Variants in AFF2 observed in about 807,000 individuals in gnomAD.
The protein encoded by AFF2 is ALF transcription elongation factor 2, also known as AF4/FMR2 family member 2.
AFF2 carries 14 observed loss-of-function variants against 76.9 expected under a neutral mutation model. The observed-to-expected ratio is 0.18, with a 90% CI of 0.12 to 0.28. AFF2 has a LOEUF of 0.28. Ranked by LOEUF, AFF2 falls within the 10% of genes least tolerant of loss-of-function variation. AFF2 has a pLI of 1.00. For missense variants in AFF2, 868 were observed against 1,001.1 expected, an observed-to-expected ratio of 0.87 and a Z score of 1.79; for synonymous variants, 398 against 366.7, an observed-to-expected ratio of 1.09 and a Z score of -0.98.
chrX:148,511,158 G>T (rs186565035), intron 1 of AFF2, among the ~76,000 whole-genome samples: 93 of 111,485 alleles, frequency 8.3e-4, no homozygotes, highest in African/African-American at 2.9e-3. Flanking sequence ...ACAGCATTTT[G>T]AGATTTTAGA....
Position 148,953,755 on chromosome X carries a change from A to G in AFF2, c.1557+16A>G. The G allele has an allele frequency of 1.7e-6, 2 of 1,190,015 alleles. No individual in the cohort carries two copies. Among genetic ancestry groups the G allele is most frequent in the Non-Finnish European group, 2.3e-6 (2 of 881,238 alleles). On this transcript the variant is annotated intron_variant, in intron 10 of 20. Coordinates refer to ENST00000370460, the MANE Select transcript of AFF2 (RefSeq NM_002025.4). ...AACTCCAGAGGTGAGTGAAGGTGCC[A>G]GGGCCCTAACCATGATCTGCCTGTC...
intron 3 of AFF2, among the ~76,000 whole-genome samples, chrX:148,716,941 G>A (rs782432552): frequency 6.3e-5 from 7 of 111,555 alleles, no homozygotes; most frequent in Non-Finnish European, 1.1e-4. Context: ...AGCACAATAA[G>A]GAAAGTATAG....
rs782499082 is a variant in AFF2, at chrX:148,581,657, C to G, written c.48-70342C>G. On this transcript the variant is annotated intron_variant, in intron 1 of 20. Coordinates refer to ENST00000370460, the MANE Select transcript of AFF2 (RefSeq NM_002025.4). ...ACGTGTACACACATATATACATATA[C>G]GTATACGTGTACACACATATATACG... Among the ~76,000 whole-genome samples the G allele has an allele frequency of 3.4e-3, 373 of 110,089 alleles. 17 individuals are homozygous for G. Among genetic ancestry groups the G allele is most frequent in the African/African-American group, 0.012 (359 of 29,304 alleles).
At chrX:148,562,145 T>C (rs1419375525) in intron 1 of AFF2, among the ~76,000 whole-genome samples, 1 of 112,510 alleles carries the variant, frequency 8.9e-6, no homozygotes, top group Non-Finnish European at 1.9e-5. Flanking sequence ...TGCCAGCAAA[T>C]GACAGCTTTG....
At position 148,662,249 on chromosome X, in the gene AFF2, C is replaced by T; in HGVS notation, c.522C>T (p.Ala174=). The change falls in exon 3 of 21, where the codon GCC becomes GCT. Residue 174 remains alanine, a synonymous_variant. Transcript: ENST00000370460. ...HNPSTVLASQ[A]SGQPNKMQTL... is the part of the protein sequence containing the mutation. ...CTAGCACTGTACTGGCAAGCCAGGC[C>T]AGTGGTCAGCCAAACAAGATGCAGA... is the stretch of plus-strand genomic sequence containing the variant. The T allele has an allele frequency of 8.3e-7, 1 of 1,211,531 alleles. No individual in the cohort carries two copies. Among genetic ancestry groups the T allele is most frequent in the South Asian group, 1.8e-5 (1 of 56,966 alleles).
intron 7 of AFF2, among the ~76,000 whole-genome samples, chrX:148,867,951 A>T (rs2070927678): frequency 8.9e-6 from 1 of 111,798 alleles, no homozygotes; most frequent in South Asian, 3.8e-4. Flanking sequence ...CCTCAAGGCC[A>T]TCTCTCATAG....
At chrX:148,513,695 A>G (rs1557233427) in intron 1 of AFF2, among the ~76,000 whole-genome samples, 1 of 111,835 alleles carries the variant, frequency 8.9e-6, no homozygotes, top group African/African-American at 3.3e-5. Flanking sequence ...CTTAAATTGA[A>G]CATAATCATA....
intron 1 of AFF2, among the ~76,000 whole-genome samples, chrX:148,648,561 C>CAAAAAAAAAAAAAAAAA (rs1241628949): frequency 8.7e-5 from 2 of 23,057 alleles, no homozygotes; most frequent in Admixed American, 5.9e-4. Flanking sequence ...AAAACTCCGT[C>CAAAAAAAAAAAAAAAAA]AAAAAAAAAA....
chrX:148,813,876 G>A (rs144643006), intron 4 of AFF2, among the ~76,000 whole-genome samples: 86 of 112,163 alleles, frequency 7.7e-4, no homozygotes, highest in African/African-American at 2.8e-3. Flanking sequence ...GAATTCACTG[G>A]CCTACAACAC....
intron 4 of AFF2, among the ~76,000 whole-genome samples, chrX:148,826,265 T>C (rs1380606158): frequency 9.4e-6 from 1 of 106,576 alleles, no homozygotes; most frequent in Admixed American, 1.0e-4. Context: ...AATGCACCCC[T>C]TCCTTATGGT....
chrX:148,686,214 C>T (rs1320903031), intron 3 of AFF2, among the ~76,000 whole-genome samples: 1 of 111,483 alleles, frequency 9.0e-6, no homozygotes, highest in East Asian at 2.8e-4. Context: ...CTGACAAATT[C>T]CTGATGATTT....
At chrX:148,635,889 T>G (rs2124436909) in intron 1 of AFF2, among the ~76,000 whole-genome samples, 1 of 110,652 alleles carries the variant, frequency 9.0e-6, no homozygotes, top group African/African-American at 3.3e-5. Flanking sequence ...CATAGGATTC[T>G]GTATCCTGGC....
chrX:148,692,038 A>C (rs1254714625), intron 3 of AFF2, among the ~76,000 whole-genome samples: 3 of 56,368 alleles, frequency 5.3e-5, no homozygotes, highest in Non-Finnish European at 9.5e-5. Context: ...TTAGGTTGCA[A>C]AAATGTTCTT....
At chrX:148,530,686 A>G (rs2052719915) in intron 1 of AFF2, among the ~76,000 whole-genome samples, 1 of 111,283 alleles carries the variant, frequency 9.0e-6, no homozygotes, top group South Asian at 3.8e-4. Context: ...AATATGTTTC[A>G]TTCTCGAATT....
chrX:148,751,924 GA>G (rs2055505842), intron 3 of AFF2, among the ~76,000 whole-genome samples: 1 of 112,036 alleles, frequency 8.9e-6, no homozygotes, highest in South Asian at 3.7e-4. Context: ...AGAAGTCCCA[GA>G]TCACAGTGCC....
intron 8 of AFF2, among the ~76,000 whole-genome samples, chrX:148,897,249 A>G (rs1405442069): frequency 2.7e-5 from 1 of 36,632 alleles, no homozygotes; most frequent in African/African-American, 1.2e-4. Context: ...ATATATATAT[A>G]TATATATATA....
At position 148,962,853 on chromosome X, in the gene AFF2, C is replaced by T. The variant is rs1557288251; in HGVS notation, c.2829C>T (p.Ile943=). The T allele has an allele frequency of 8.3e-7, 1 of 1,210,114 alleles. No individual in the cohort carries two copies. ...GTCCCTTTGGTCAAGACAAAAACATCGCCATGACTGGACAAATCACATCTA... is the reference window on the plus strand; with the variant it reads ...GTCCCTTTGGTCAAGACAAAAACATTGCCATGACTGGACAAATCACATCTA... ...NNGPFGQDKN[I]AMTGQITSTK... The change falls in exon 13 of 21, where the codon ATC becomes ATT. Residue 943 remains isoleucine (I), a synonymous_variant. Transcript: ENST00000370460.
chrX:148,974,949 G>C (rs782197197), intron 16 of AFF2, among the ~76,000 whole-genome samples: 139 of 112,318 alleles, frequency 1.2e-3, no homozygotes, highest in Non-Finnish European at 2.3e-3. Flanking sequence ...CAAAACTGAA[G>C]GGAAACATTA....
intron 16 of AFF2, among the ~76,000 whole-genome samples, chrX:148,977,060 C>A (rs1408537857): frequency 2.7e-5 from 3 of 112,131 alleles, no homozygotes; most frequent in African/African-American, 9.7e-5. Flanking sequence ...GCCCTGCAGG[C>A]TTTCTGTCGC....
Sources: allele counts gnomAD v4.1 joint callset (sites outside exome capture counted in the v4.1 genomes callset), GRCh38; gene constraint gnomAD v4.1.1; transcripts MANE v1.5; gene names NCBI Gene and HGNC (gene_info 2026-07-23, HGNC 2026-07-21).